The following UNC5C variants were observed in gnomAD, a reference collection of about 807,000 sequenced individuals.
UNC5C encodes unc-5 netrin receptor C.
A neutral mutation model predicts 99.8 loss-of-function variants in UNC5C; 47 were observed. The observed-to-expected ratio is 0.47, with a 90% confidence interval of 0.37 to 0.60. The LOEUF (loss-of-function observed/expected upper bound fraction) is 0.60, where lower values mean the gene tolerates loss of function less well. UNC5C is among the 20% of genes least tolerant of loss of function. The probability of loss-of-function intolerance (pLI) is 0.00; values close to 1 mark genes in which losing one functional copy is unlikely to be tolerated. For synonymous variants in UNC5C, 487 were observed against 452.2 expected (o/e 1.08, Z -0.98); for missense variants, 1,062 against 1,165.9 (o/e 0.91, Z 1.30).
intron 1 of UNC5C, among the ~76,000 whole-genome samples, chr4:95,540,099 C>A (rs546858101): frequency 6.6e-6 from 1 of 152,238 alleles, no homozygotes; most frequent in East Asian, 1.9e-4. Context: ...CTGGAGGATA[C>A]TAGTATAGCA....
At chr4:95,250,268 G>C (rs974283343) in intron 5 of UNC5C, among the ~76,000 whole-genome samples, 2 of 152,120 alleles carry the variant, frequency 1.3e-5, no homozygotes, top group Non-Finnish European at 2.9e-5. Context: ...TGTAATACCA[G>C]CTACTCCAGA....
chr4:95,251,553 C>T (rs74690179), intron 4 of UNC5C, among the ~76,000 whole-genome samples: 3,623 of 152,298 alleles, frequency 0.024, 59 homozygotes, highest in South Asian at 0.082. Context: ...AGGTAAACTA[C>T]TTCTTATTCT....
At chr4:95,346,191 A>T (rs1181998131) in intron 1 of UNC5C, among the ~76,000 whole-genome samples, 1 of 152,006 alleles carries the variant, frequency 6.6e-6, no homozygotes, top group African/African-American at 2.4e-5. Flanking sequence ...GAAGAAATGG[A>T]TAAATTTCTA....
chr4:95,397,420 A>G (rs1302198951), intron 1 of UNC5C, among the ~76,000 whole-genome samples: 3 of 152,232 alleles, frequency 2.0e-5, no homozygotes, highest in East Asian at 1.9e-4. Context: ...GTAACATTAA[A>G]GAAAAGTTAG....
intron 1 of UNC5C, among the ~76,000 whole-genome samples, chr4:95,355,037 A>G (rs1744130143): frequency 6.6e-6 from 1 of 152,158 alleles, no homozygotes; most frequent in Non-Finnish European, 1.5e-5. Flanking sequence ...GTCTGTATCT[A>G]GGAAAGAATA....
intron 1 of UNC5C, among the ~76,000 whole-genome samples, chr4:95,508,881 C>A (rs536165206): frequency 8.6e-5 from 13 of 151,888 alleles, no homozygotes; most frequent in Non-Finnish European, 1.8e-4. Flanking sequence ...CATCTTCTTT[C>A]TTCCAGAAAC....
At chr4:95,223,681 T>G (rs941080032) in intron 7 of UNC5C, among the ~76,000 whole-genome samples, 4 of 152,172 alleles carry the variant, frequency 2.6e-5, no homozygotes, top group Non-Finnish European at 4.4e-5. Context: ...TCTGAGTCCA[T>G]GTATTAGGTT....
At chr4:95,208,924 A>G (rs761550445) in intron 10 of UNC5C, among the ~76,000 whole-genome samples, 3 of 152,188 alleles carry the variant, frequency 2.0e-5, no homozygotes, top group Admixed American at 2.0e-4. Flanking sequence ...ACACTCAATG[A>G]ATGGTAGCAG....
At chr4:95,219,679 C>G (rs115927395) in intron 8 of UNC5C, among the ~76,000 whole-genome samples, 2 of 152,070 alleles carry the variant, frequency 1.3e-5, no homozygotes, top group East Asian at 1.9e-4. Context: ...CATAGCAATA[C>G]AAGATATCTT....
chr4:95,239,723 A>G (rs960828357), intron 7 of UNC5C, among the ~76,000 whole-genome samples: 4 of 152,190 alleles, frequency 2.6e-5, no homozygotes, highest in African/African-American at 9.7e-5. Flanking sequence ...ATTTTATCCA[A>G]CATTTTAATA....
At chr4:95,524,689 T>C (rs1039289562) in intron 1 of UNC5C, among the ~76,000 whole-genome samples, 16 of 152,128 alleles carry the variant, frequency 1.1e-4, no homozygotes, top group African/African-American at 3.4e-4. Context: ...CGTAACCTCA[T>C]TGGTCCCAGT....
At chr4:95,481,717 T>C (rs927311860) in intron 1 of UNC5C, among the ~76,000 whole-genome samples, 1 of 152,096 alleles carries the variant, frequency 6.6e-6, no homozygotes, top group South Asian at 2.1e-4. Context: ...TATCTACAGC[T>C]ATCTGATCTT....
intron 1 of UNC5C, among the ~76,000 whole-genome samples, chr4:95,378,961 C>A (rs1744982749): frequency 6.6e-6 from 1 of 152,072 alleles, no homozygotes; most frequent in Non-Finnish European, 1.5e-5. Flanking sequence ...AATTGACTGG[C>A]TACATGATTA....
At chr4:95,448,236 G>GAGAGAGAGAC (rs1560836860) in intron 1 of UNC5C, among the ~76,000 whole-genome samples, 2 of 145,996 alleles carry the variant, frequency 1.4e-5, no homozygotes, top group Non-Finnish European at 3.0e-5. Context: ...GTGAGAGAGA[G>GAGAGAGAGAC]AGAGAGAGAG....
At chr4:95,328,932 C>A (rs1239434380) in intron 2 of UNC5C, among the ~76,000 whole-genome samples, 1 of 152,130 alleles carries the variant, frequency 6.6e-6, no homozygotes, top group Non-Finnish European at 1.5e-5. Context: ...CACCCCCTCA[C>A]CTGCATGCTC....
intron 1 of UNC5C, among the ~76,000 whole-genome samples, chr4:95,356,415 G>A (rs896647535): frequency 6.6e-6 from 1 of 151,960 alleles, no homozygotes; most frequent in Non-Finnish European, 1.5e-5. Flanking sequence ...TTATTTTCAA[G>A]TACTGCTTGG....
At position 95,346,529 on chromosome 4, in the gene UNC5C, A is replaced by T. The variant is rs79852382; in HGVS notation, c.125-10898T>A. The stretch of plus-strand genomic sequence containing the variant: ...GATATTGAACATTGGCACAAAAATC[A>T]TCAACAAACTAGTAGCAAACTGAAT... On this transcript the variant is annotated intron_variant, in intron 1 of 15. Coordinates refer to ENST00000453304, the MANE Select transcript of UNC5C (RefSeq NM_003728.4). Among the ~76,000 whole-genome samples, 917 of 152,134 alleles carry T rather than the reference A, an allele frequency of 6.0e-3. 10 individuals are homozygous for T. Among genetic ancestry groups the T allele is most frequent in the African/African-American group, 0.021 (874 of 41,564 alleles).
intron 1 of UNC5C, among the ~76,000 whole-genome samples, chr4:95,485,747 T>C (rs1217541744): frequency 6.6e-6 from 1 of 151,764 alleles, no homozygotes; most frequent in East Asian, 1.9e-4. Flanking sequence ...TTTTTTCCTA[T>C]AATTTATTTG....
intron 4 of UNC5C, among the ~76,000 whole-genome samples, chr4:95,253,907 A>C (rs1252927905): frequency 6.6e-6 from 1 of 152,214 alleles, no homozygotes; most frequent in Non-Finnish European, 1.5e-5. Context: ...GGAAGACAGC[A>C]TGAAAATCTT....
Sources: gnomAD v4.1 joint callset for allele counts (sites outside exome capture counted in the v4.1 genomes callset) on GRCh38, gnomAD v4.1.1 for gene constraint, MANE v1.5 for transcripts, NCBI Gene and HGNC (gene_info 2026-07-23, HGNC 2026-07-21) for gene names.